ROR1: variants seen among roughly 807,000 people sequenced by gnomAD.
The protein encoded by ROR1 is inactive tyrosine-protein kinase transmembrane receptor ROR1.
Under a neutral mutation model 78.8 loss-of-function variants are expected in ROR1, and 19 were observed. The ratio of observed to expected loss-of-function variants is 0.24; its 90% confidence interval spans 0.17 to 0.35. ROR1 has a LOEUF of 0.35. Among genes scored for constraint, ROR1 ranks in the 10% least tolerant of loss-of-function variants. The pLI is 1.00. For missense variants in ROR1, 917 were observed against 1,177.8 expected (o/e 0.78, Z 3.24); for synonymous variants, 386 against 433.6 (o/e 0.89, Z 1.36).
intron 1 of ROR1, among the ~76,000 whole-genome samples, chr1:63,844,892 C>T (rs1033973137): frequency 7.2e-5 from 11 of 152,052 alleles, no homozygotes; most frequent in African/African-American, 2.4e-4. Context: ...TTCTCTATTA[C>T]CTGGAGGAGG....
intron 1 of ROR1, among the ~76,000 whole-genome samples, chr1:63,909,887 G>C (rs1645556621): frequency 6.6e-6 from 1 of 152,080 alleles, no homozygotes; most frequent in Admixed American, 6.5e-5. Flanking sequence ...GAGTTGTTTG[G>C]CGTGCTGCAA....
At chr1:63,828,742 TA>T (rs1297719456) in intron 1 of ROR1, among the ~76,000 whole-genome samples, 1 of 152,214 alleles carries the variant, frequency 6.6e-6, no homozygotes, top group African/African-American at 2.4e-5. Context: ...TGGCACATAG[TA>T]GGTGTTCAGG....
chr1:63,861,945 TA>T (rs1211187523), intron 1 of ROR1, among the ~76,000 whole-genome samples: 1 of 152,150 alleles, frequency 6.6e-6, no homozygotes, highest in African/African-American at 2.4e-5. Flanking sequence ...TTTATTAAAA[TA>T]AAAAATGGCA....
At chr1:63,851,990 A>G (rs899653503) in intron 1 of ROR1, among the ~76,000 whole-genome samples, 1 of 152,284 alleles carries the variant, frequency 6.6e-6, no homozygotes, top group Non-Finnish European at 1.5e-5. Flanking sequence ...TTTAAGACCA[A>G]AAGAAAAGGC....
At chr1:64,130,883 C>G (rs1648890674) in intron 4 of ROR1, among the ~76,000 whole-genome samples, 1 of 152,186 alleles carries the variant, frequency 6.6e-6, no homozygotes, top group East Asian at 1.9e-4. Context: ...AAGAACGCTG[C>G]CTCTGAAGTG....
At chr1:63,826,966 C>T (rs1644957563) in intron 1 of ROR1, among the ~76,000 whole-genome samples, 1 of 151,868 alleles carries the variant, frequency 6.6e-6, no homozygotes, top group African/African-American at 2.4e-5. Context: ...AAATTTGGTA[C>T]GTATACACCA....
At chr1:63,870,155 A>G (rs1315029675) in intron 1 of ROR1, among the ~76,000 whole-genome samples, 2 of 152,164 alleles carry the variant, frequency 1.3e-5, no homozygotes, top group Admixed American at 6.5e-5. Flanking sequence ...CACACAGTGG[A>G]AATCATACTG....
At chr1:64,081,768 C>CAAAAAAAAAAAA (rs55945635) in intron 4 of ROR1, among the ~76,000 whole-genome samples, 10 of 98,894 alleles carry the variant, frequency 1.0e-4, no homozygotes, top group South Asian at 3.2e-4. Context: ...GAGACACTGT[C>CAAAAAAAAAAAA]AAAAAAAAAA....
At chr1:64,091,269 G>T (rs1306957932) in intron 4 of ROR1, among the ~76,000 whole-genome samples, 1 of 152,138 alleles carries the variant, frequency 6.6e-6, no homozygotes, top group Non-Finnish European at 1.5e-5. Flanking sequence ...TGTGGGAAAG[G>T]TCTGACTAGA....
chr1:64,002,877 G>A (rs1349848828), intron 1 of ROR1, among the ~76,000 whole-genome samples: 1 of 152,138 alleles, frequency 6.6e-6, no homozygotes, highest in Non-Finnish European at 1.5e-5. Flanking sequence ...GTTCCACAGG[G>A]GACCTCTGGG....
In ROR1 at chr1:63,798,257, G is replaced by T. The variant is rs567168933; in HGVS notation, c.91+23749G>T. 3.3e-5 allele frequency among the ~76,000 whole-genome samples: 5 copies of T among 152,226 alleles called. No individual in the cohort carries two copies. The South Asian group carries it at 6.2e-4, about 19-fold the overall frequency. On this transcript the variant is annotated intron_variant, in intron 1 of 8. Transcript: ENST00000371079. ...AGACCATCCACATTGGAGCCCCCTG[G>T]TTGATTTGACGCTCTGCAGGGAAAT...
At chr1:63,832,555 G>T (rs1188805543) in intron 1 of ROR1, among the ~76,000 whole-genome samples, 1 of 152,116 alleles carries the variant, frequency 6.6e-6, no homozygotes, top group Non-Finnish European at 1.5e-5. Context: ...TGTGGCTTTG[G>T]GAATCACTTA....
chr1:64,073,217 G>C (rs142588886), intron 4 of ROR1, among the ~76,000 whole-genome samples: 48 of 152,294 alleles, frequency 3.2e-4, no homozygotes, highest in African/African-American at 1.1e-3. Flanking sequence ...TCTGGGCTAA[G>C]AGAGTGGAAG....
chr1:63,781,844 A>C (rs911289268), intron 1 of ROR1, among the ~76,000 whole-genome samples: 1 of 152,214 alleles, frequency 6.6e-6, no homozygotes, highest in Non-Finnish European at 1.5e-5. Flanking sequence ...GATTGTTGGA[A>C]GAGTAAGTAA....
At chr1:64,084,639 T>G (rs1001770079) in intron 4 of ROR1, among the ~76,000 whole-genome samples, 1 of 152,178 alleles carries the variant, frequency 6.6e-6, no homozygotes, top group Non-Finnish European at 1.5e-5. Context: ...TGAAGAGAAA[T>G]GCACTGAAAC....
chr1:64,099,789 G>T lies in ROR1; in HGVS notation c.483-37580G>T, dbSNP rs367842959. Among the ~76,000 whole-genome samples, 311 of 152,320 alleles carry T rather than the reference G, an allele frequency of 2.0e-3. 2 individuals carry two copies. Among genetic ancestry groups the T allele is most frequent in the African/African-American group, 7.3e-3 (305 of 41,558 alleles). On this transcript the variant is annotated intron_variant, in intron 4 of 8. Transcript: ENST00000371079. The stretch of plus-strand genomic sequence containing the variant: ...AAGATCAAATAGGCCGGGTGCAGTG[G>T]CTCACGCCTGTAATCCCAGCACTTT...
intron 4 of ROR1, among the ~76,000 whole-genome samples, chr1:64,068,767 T>G (rs774562362): frequency 1.3e-5 from 2 of 152,196 alleles, no homozygotes; most frequent in Non-Finnish European, 2.9e-5. Flanking sequence ...ACTGAAATTC[T>G]TTGACAGATG....
At chr1:63,915,892 C>T (rs1295928644) in intron 1 of ROR1, among the ~76,000 whole-genome samples, 4 of 152,062 alleles carry the variant, frequency 2.6e-5, no homozygotes, top group Non-Finnish European at 2.9e-5. Flanking sequence ...TCTCCCACTC[C>T]GGAGACCCAG....
intron 1 of ROR1, among the ~76,000 whole-genome samples, chr1:63,833,339 G>T (rs1488833893): frequency 6.6e-6 from 1 of 152,226 alleles, no homozygotes; most frequent in Non-Finnish European, 1.5e-5. Flanking sequence ...TTTTCTAAGT[G>T]TGTGCTGGTC....
Sources: gnomAD v4.1 joint callset for allele counts (sites outside exome capture counted in the v4.1 genomes callset) on GRCh38, gnomAD v4.1.1 for gene constraint, MANE v1.5 for transcripts, NCBI Gene and HGNC (gene_info 2026-07-23, HGNC 2026-07-21) for gene names.